The following CCNY variants were observed in gnomAD, a reference collection of about 807,000 sequenced individuals.
CCNY encodes cyclin Y, also known as cyclin-Y.
CCNY carries 19 observed loss-of-function variants against 42.8 expected under a neutral mutation model. The ratio of observed to expected loss-of-function variants is 0.44; its 90% CI spans 0.31 to 0.65. The LOEUF (loss-of-function observed/expected upper bound fraction) is 0.65, where lower values mean the gene tolerates loss of function less well. Ranked by LOEUF, CCNY falls within the 30% of genes least tolerant of loss-of-function variation. The pLI is 0.07. For missense variants in CCNY, 370 were observed against 437.3 expected, an observed-to-expected ratio of 0.85 and a Z score of 1.37; for synonymous variants, 165 against 162.7, an observed-to-expected ratio of 1.01 and a Z score of -0.11.
chr10:35,399,282 T>C (rs1177553062), intron 1 of CCNY, among the ~76,000 whole-genome samples: 1 of 152,226 alleles, frequency 6.6e-6, no homozygotes, highest in Non-Finnish European at 1.5e-5. Context: ...GGCTGTGGAC[T>C]GCATGTCTGG....
intron 2 of CCNY, among the ~76,000 whole-genome samples, chr10:35,490,374 A>G (rs1453382457): frequency 6.6e-6 from 1 of 152,214 alleles, no homozygotes. Flanking sequence ...TCTGTGAGAA[A>G]AAGTCTGATT....
chr10:35,483,507 T>TA lies in CCNY; in HGVS notation c.229+35dup, dbSNP rs1839719426. 8 of 1,405,516 alleles carry TA rather than the reference T, an allele frequency of 5.7e-6. No individual in the cohort carries two copies. The East Asian group carries it at 1.6e-4, about 28-fold the overall frequency. 87.1% of individuals were successfully genotyped at this position (1,405,516 alleles called of 1,614,324 possible). A position where few individuals can be genotyped will look rare whatever the true frequency, so the allele number is the denominator to read the frequency against. The stretch of plus-strand genomic sequence containing the variant: ...GGTCCTTAATTTATGTTTCTTTTTG[T>TA]AAAAAAGGCTCATGTTGGTACTTCG... On this transcript the variant is annotated intron_variant, in intron 2 of 9. Coordinates refer to ENST00000374704, the MANE Select transcript of CCNY (RefSeq NM_145012.6).
chr10:35,454,406 T>A (rs144989268), intron 1 of CCNY, among the ~76,000 whole-genome samples: 2,621 of 152,344 alleles, frequency 0.017, 29 homozygotes, highest in Non-Finnish European at 0.029. Context: ...TGGAATGGAC[T>A]GTGAACCCCC....
chr10:35,296,582 A>C (rs1161525802), intron 3 of CCNY, among the ~76,000 whole-genome samples: 1 of 152,192 alleles, frequency 6.6e-6, no homozygotes, highest in Non-Finnish European at 1.5e-5. Flanking sequence ...CTCTGTCAGA[A>C]AAAAAAGAAA....
chr10:35,253,406 T>A (rs961493968), intron 3 of CCNY, among the ~76,000 whole-genome samples: 1 of 148,252 alleles, frequency 6.7e-6, no homozygotes, highest in Non-Finnish European at 1.5e-5. Context: ...TGCACCAGCA[T>A]GCTCACTATT....
chr10:35,284,130 T>C (rs947848858), intron 3 of CCNY, among the ~76,000 whole-genome samples: 12 of 152,134 alleles, frequency 7.9e-5, no homozygotes, highest in Admixed American at 2.0e-4. Flanking sequence ...AATTGAGGTA[T>C]GCTTTACAGA....
chr10:35,570,994 CCTT>C lies in CCNY; in HGVS notation c.*1827_*1829del, dbSNP rs1338737194. The stretch of plus-strand genomic sequence containing the variant: ...CTACTCTGTATGGGTACCAAAATCA[CCTT>C]CTCTCTTCAAGTCAAAGTTGAATTT... On this transcript the variant is annotated 3_prime_UTR_variant, in exon 10 of 10. Coordinates refer to ENST00000374704, the MANE Select transcript of CCNY (RefSeq NM_145012.6). 6.6e-6 allele frequency: 1 copy of C among 152,266 alleles called. No individual in the cohort carries two copies. Among genetic ancestry groups the C allele is most frequent in the Non-Finnish European group, 1.5e-5 (1 of 68,022 alleles). 9.4% of individuals were successfully genotyped at this position (152,266 alleles called of 1,614,324 possible). A position where few individuals can be genotyped will look rare whatever the true frequency, so the allele number is the denominator to read the frequency against.
At chr10:35,342,572 C>T (rs967619186) in intron 1 of CCNY, among the ~76,000 whole-genome samples, 1 of 151,320 alleles carries the variant, frequency 6.6e-6, no homozygotes, top group Admixed American at 6.6e-5. Flanking sequence ...ACCCATTTTA[C>T]AGGTGGGAAG....
At chr10:35,422,713 TA>T (rs1480363795) in intron 1 of CCNY, among the ~76,000 whole-genome samples, 2 of 152,352 alleles carry the variant, frequency 1.3e-5, no homozygotes, top group Non-Finnish European at 2.9e-5. Context: ...TATATTTGCT[TA>T]TTTTTTTGTC....
intron 7 of CCNY, among the ~76,000 whole-genome samples, chr10:35,548,312 T>A (rs981959454): frequency 3.5e-5 from 5 of 143,904 alleles, no homozygotes; most frequent in Admixed American, 2.1e-4. Context: ...ATATATATAT[T>A]TTATGAGACG....
chr10:35,347,566 C>T (rs1377287446), intron 1 of CCNY: 1 of 279,192 alleles, frequency 3.6e-6, no homozygotes, highest in Admixed American at 6.5e-5. Context: ...TCTTGGTGGT[C>T]AATAAGGAAA....
intron 3 of CCNY, among the ~76,000 whole-genome samples, chr10:35,300,541 A>C (rs1313180397): frequency 6.6e-6 from 1 of 152,072 alleles, no homozygotes; most frequent in East Asian, 1.9e-4. Context: ...CATGGCCAGA[A>C]GCAGTAGTCT....
chr10:35,534,565 CTTTA>C (rs1464113057), intron 7 of CCNY, among the ~76,000 whole-genome samples: 1 of 152,128 alleles, frequency 6.6e-6, no homozygotes, highest in Non-Finnish European at 1.5e-5. Context: ...TGGTCCCTTT[CTTTA>C]TTTCCTATTT....
At chr10:35,426,327 C>T (rs1476303430) in intron 1 of CCNY, among the ~76,000 whole-genome samples, 9 of 152,110 alleles carry the variant, frequency 5.9e-5, no homozygotes, top group African/African-American at 2.2e-4. Flanking sequence ...CTGTGTTGTC[C>T]AGTTTTCCAG....
intron 1 of CCNY, among the ~76,000 whole-genome samples, chr10:35,419,226 T>C (rs1049829109): frequency 1.9e-4 from 29 of 152,346 alleles, no homozygotes; most frequent in East Asian, 1.5e-3. Context: ...TATTTGGGAA[T>C]TCTTGAAGAA....
intron 1 of CCNY, among the ~76,000 whole-genome samples, chr10:35,410,968 T>C (rs1837890449): frequency 2.0e-5 from 3 of 152,186 alleles, no homozygotes; most frequent in African/African-American, 7.2e-5. Flanking sequence ...GTTGGGAATA[T>C]TAATGGTGGT....
intron 2 of CCNY, among the ~76,000 whole-genome samples, chr10:35,495,082 T>TA (rs1286370841): frequency 6.6e-6 from 1 of 152,214 alleles, no homozygotes; most frequent in Admixed American, 6.5e-5. Context: ...CAAAATCTGA[T>TA]AAAAAATATC....
chr10:35,485,579 G>T (rs557430833), intron 2 of CCNY, among the ~76,000 whole-genome samples: 2 of 152,216 alleles, frequency 1.3e-5, no homozygotes, highest in South Asian at 2.1e-4. Context: ...CAAAAAATTA[G>T]CTGGGTGTGG....
chr10:35,293,609 C>G (rs990125719), intron 3 of CCNY, among the ~76,000 whole-genome samples: 1 of 152,052 alleles, frequency 6.6e-6, no homozygotes, highest in African/African-American at 2.4e-5. Context: ...GGATGTTATC[C>G]CATTTACTTA....
Sources: allele counts gnomAD v4.1 joint callset (sites outside exome capture counted in the v4.1 genomes callset), GRCh38; gene constraint gnomAD v4.1.1; transcripts MANE v1.5; gene names NCBI Gene and HGNC (gene_info 2026-07-23, HGNC 2026-07-21).